Variants in UBXN2A observed in about 807,000 individuals in gnomAD.
UBXN2A encodes the protein UBX domain protein 2A.
UBXN2A carries 28 observed loss-of-function variants against 28.4 expected under a neutral mutation model. The observed-to-expected ratio is 0.99, with a 90% CI of 0.73 to 1.35. The LOEUF is 1.35. UBXN2A is among the 40% of genes most tolerant of loss of function. UBXN2A has a pLI of 0.00. For synonymous variants in UBXN2A, 97 were observed against 103.6 expected (o/e 0.94, Z 0.39); for missense variants, 253 against 297.9 (o/e 0.85, Z 1.11).
intron 1 of UBXN2A, among the ~76,000 whole-genome samples, chr2:23,931,737 G>A (rs1416545836): frequency 6.6e-6 from 1 of 152,164 alleles, no homozygotes; most frequent in African/African-American, 2.4e-5. Context: ...GCAAGGCCGG[G>A]CACAGTGGCT....
At chr2:23,963,595 A>G (rs1258320032) in intron 2 of UBXN2A, among the ~76,000 whole-genome samples, 1 of 152,162 alleles carries the variant, frequency 6.6e-6, no homozygotes, top group African/African-American at 2.4e-5. Flanking sequence ...TCAAAATAAG[A>G]GTAATCACCT....
chr2:23,972,487 C>A (rs188961768), intron 3 of UBXN2A, among the ~76,000 whole-genome samples: 29 of 152,190 alleles, frequency 1.9e-4, no homozygotes, highest in Admixed American at 1.6e-3. Flanking sequence ...GAAAAAAAAA[C>A]TAATTTTAAT....
At chr2:23,934,621 T>C (rs74461809) in intron 1 of UBXN2A, among the ~76,000 whole-genome samples, 62 of 152,330 alleles carry the variant, frequency 4.1e-4, no homozygotes, top group African/African-American at 1.5e-3. Context: ...ACCTATGAAA[T>C]AGCTACTGTG....
chr2:23,974,306 C>T (rs1269925468), intron 3 of UBXN2A, among the ~76,000 whole-genome samples: 5 of 150,564 alleles, frequency 3.3e-5, no homozygotes, highest in South Asian at 4.2e-4. Flanking sequence ...CTTGAGCCAC[C>T]GTGCCTGGCC....
chr2:23,944,142 C>G, intron 1 of UBXN2A: 2 of 959,544 alleles, frequency 2.1e-6, no homozygotes, highest in Non-Finnish European at 3.3e-6. Flanking sequence ...TTAAGTCTTA[C>G]TTGGAACTCA....
chr2:23,984,976 A>G, intron 6 of UBXN2A, 145 bp downstream of exon 6: 1 of 803,770 alleles, frequency 1.2e-6, no homozygotes, highest in East Asian at 3.4e-5. Flanking sequence ...GTCATAGCTC[A>G]CTGCAGTCTT....
At chr2:23,966,525 T>C (rs1412206508) in intron 2 of UBXN2A, among the ~76,000 whole-genome samples, 2 of 150,254 alleles carry the variant, frequency 1.3e-5, no homozygotes, top group African/African-American at 4.9e-5. Context: ...TGATCTCAGC[T>C]CACTGCAAGC....
chr2:23,963,470 T>TAAA (rs1443078077), intron 2 of UBXN2A, among the ~76,000 whole-genome samples: 1 of 116,078 alleles, frequency 8.6e-6, no homozygotes, highest in African/African-American at 3.5e-5. Context: ...AGACAGTGTC[T>TAAA]CAAAAAAAAA....
intron 1 of UBXN2A, chr2:23,944,149 C>A: frequency 9.9e-7 from 1 of 1,006,050 alleles, no homozygotes. Flanking sequence ...TTACTTGGAA[C>A]TCATTGGTCC....
chr2:23,934,361 G>T (rs544494328), intron 1 of UBXN2A, among the ~76,000 whole-genome samples: 17 of 152,306 alleles, frequency 1.1e-4, no homozygotes, highest in Admixed American at 9.2e-4. Context: ...AATGTTGCTA[G>T]TAGCCAATGT....
In UBXN2A at chr2:23,976,990, T is replaced by G; in HGVS notation, c.202T>G (p.Trp68Gly). 1.2e-6 allele frequency: 2 copies of G among 1,611,874 alleles called. No individual in the cohort carries two copies. Among genetic ancestry groups the G allele is most frequent in the South Asian group, 1.1e-5 (1 of 91,002 alleles). The change falls in exon 4 of 7, where the codon TGG (tryptophan) becomes GGG (glycine). Residue 68 changes from tryptophan (W) to glycine (G), a missense_variant. Physicochemically the swap from Trp to Gly is radical, Grantham distance 184 (BLOSUM62 -2). Coordinates refer to ENST00000309033, the MANE Select transcript of UBXN2A (RefSeq NM_181713.4). The stretch of plus-strand genomic sequence containing the variant: ...GCAGGTAGATGTAAATATAAAATTA[T>G]GGAAAAACGGATTCACCGTCAACGA... ...KKQVDVNIKL[W>G]KNGFTVNDDF...
intron 3 of UBXN2A, among the ~76,000 whole-genome samples, chr2:23,973,969 C>T (rs1174024979): frequency 1.3e-5 from 2 of 150,820 alleles, no homozygotes; most frequent in Non-Finnish European, 3.0e-5. Context: ...TGAAGTGAGC[C>T]TGGCACTTCA....
At chr2:23,927,580 A>T (rs1054033369) in exon 1 of UBXN2A, 2 of 111,132 alleles carry the variant, frequency 1.8e-5, no homozygotes, top group African/African-American at 5.8e-5. Flanking sequence ...CAGCTGTGAT[A>T]AAAAAAAAAT....
At chr2:23,957,709 C>T (rs1351455993) in intron 1 of UBXN2A, among the ~76,000 whole-genome samples, 1 of 152,116 alleles carries the variant, frequency 6.6e-6, no homozygotes, top group East Asian at 1.9e-4. Flanking sequence ...TGGCGCACGT[C>T]CGTAATCCCA....
intron 3 of UBXN2A, among the ~76,000 whole-genome samples, chr2:23,975,369 T>C (rs1450724523): frequency 1.3e-5 from 2 of 152,192 alleles, no homozygotes; most frequent in Non-Finnish European, 2.9e-5. Context: ...AAATACTTCT[T>C]TTTCTAACTA....
intron 2 of UBXN2A, among the ~76,000 whole-genome samples, chr2:23,965,709 CA>C (rs1258342464): frequency 6.6e-6 from 1 of 152,232 alleles, no homozygotes; most frequent in African/African-American, 2.4e-5. Flanking sequence ...TTAGTATTAG[CA>C]TAGTGTTATC....
At chr2:23,936,220 T>C (rs1019770438), upstream of UBXN2A, among the ~76,000 whole-genome samples, 12 of 152,102 alleles carry the variant, frequency 7.9e-5, no homozygotes, top group African/African-American at 2.9e-4. Context: ...AACATATGAA[T>C]GGATAAGCAA....
chr2:24,002,894 A>T lies in UBXN2A; in HGVS notation c.*3027A>T, dbSNP rs1708747903. 6.6e-6 allele frequency: 1 copy of T among 152,208 alleles called. No homozygotes were observed. Among genetic ancestry groups the T allele is most frequent in the African/African-American group, 2.4e-5 (1 of 41,452 alleles). 9.4% of individuals were successfully genotyped at this position (152,208 alleles called of 1,614,324 possible). ...GTATACTGGTGAAAGAATGAAAAGAAGCAAATAATGCCTTAGTATGATTAT... is the reference window on the plus strand; with the variant it reads ...GTATACTGGTGAAAGAATGAAAAGATGCAAATAATGCCTTAGTATGATTAT... On this transcript the variant is annotated 3_prime_UTR_variant, in exon 7 of 7. Transcript: ENST00000309033.
chr2:23,976,382 A>G (rs1707664488), intron 3 of UBXN2A, among the ~76,000 whole-genome samples: 1 of 152,154 alleles, frequency 6.6e-6, no homozygotes, highest in African/African-American at 2.4e-5. Context: ...GCCTCGCCCA[A>G]CATCGCTTCC....
Sources: gnomAD v4.1 joint callset for allele counts (sites outside exome capture counted in the v4.1 genomes callset) on GRCh38, gnomAD v4.1.1 for gene constraint, MANE v1.5 for transcripts, NCBI Gene and HGNC (gene_info 2026-07-23, HGNC 2026-07-21) for gene names.